CCDC7: variants seen among roughly 807,000 people sequenced by gnomAD.
CCDC7 encodes the protein coiled-coil domain containing 7, also known as coiled-coil domain-containing protein 7.
In CCDC7, 183 loss-of-function variants were observed where a neutral mutation model predicts 196.9. That is an observed-to-expected ratio of 0.93 (90% CI 0.82 to 1.05). CCDC7 has a LOEUF of 1.05. Ranked by LOEUF, CCDC7 falls within the 50% of genes least tolerant of loss-of-function variation. The probability of loss-of-function intolerance (pLI) is 0.00; values close to 1 mark genes in which losing one functional copy is unlikely to be tolerated. For missense variants in CCDC7, 1,540 were observed against 1,482.2 expected, an observed-to-expected ratio of 1.04 and a Z score of -0.64; for synonymous variants, 525 against 484.6, an observed-to-expected ratio of 1.08 and a Z score of -1.10.
chr10:32,525,057 G>A (rs1489959216), intron 11 of CCDC7, among the ~76,000 whole-genome samples: 1 of 150,962 alleles, frequency 6.6e-6, no homozygotes, highest in Non-Finnish European at 1.5e-5. Context: ...GCTTCATTGT[G>A]TGTTTTTTTT....
chr10:32,786,526 C>T lies in CCDC7; in HGVS notation c.3013+7442C>T, dbSNP rs550590329. Among the ~76,000 whole-genome samples, 29 of 152,254 alleles carry T rather than the reference C, an allele frequency of 1.9e-4. No individual in the cohort carries two copies. In the South Asian group the frequency reaches 5.8e-3, roughly 31 times the overall value. On this transcript the variant is annotated intron_variant, in intron 29 of 41. Coordinates refer to ENST00000639629, the Ensembl canonical transcript of CCDC7. ...CTGTGATCCTAGCACTTTGGGAGGC[C>T]AAGGCGGGTGGATCAATTGAGGCCA...
chr10:32,738,056 T>G (rs1228397536), intron 28 of CCDC7, among the ~76,000 whole-genome samples: 1 of 152,166 alleles, frequency 6.6e-6, no homozygotes, highest in Non-Finnish European at 1.5e-5. Flanking sequence ...ATCAACCGTA[T>G]TTGTAGCTAT....
At chr10:32,487,300 C>T (rs1477566595) in intron 8 of CCDC7, among the ~76,000 whole-genome samples, 2 of 152,172 alleles carry the variant, frequency 1.3e-5, no homozygotes, top group South Asian at 2.1e-4. Flanking sequence ...CTTGTGCATT[C>T]GTCATGTAGT....
chr10:32,570,464 CA>C (rs751197161), intron 15 of CCDC7, among the ~76,000 whole-genome samples: 71 of 152,170 alleles, frequency 4.7e-4, no homozygotes, highest in Non-Finnish European at 8.8e-4. Flanking sequence ...GACATATAGA[CA>C]CAAAATGTAT....
intron 9 of CCDC7, among the ~76,000 whole-genome samples, chr10:32,503,913 T>C (rs1446452891): frequency 2.7e-5 from 4 of 146,508 alleles, no homozygotes; most frequent in Non-Finnish European, 1.5e-5. Context: ...GAATGTAATT[T>C]GTTTGTGGTA....
intron 24 of CCDC7, among the ~76,000 whole-genome samples, chr10:32,701,345 C>T (rs953062070): frequency 6.6e-6 from 1 of 151,374 alleles, no homozygotes; most frequent in Non-Finnish European, 1.5e-5. Flanking sequence ...GTTGAACCAG[C>T]CTTGCATCCC....
intron 9 of CCDC7, chr10:32,511,264 G>GGGGC (rs2046117978): frequency 2.6e-5 from 14 of 543,954 alleles, no homozygotes; most frequent in Non-Finnish European, 3.8e-5. Context: ...TGGGGGGCGG[G>GGGGC]GGGGGCGGGG....
intron 9 of CCDC7, among the ~76,000 whole-genome samples, chr10:32,495,210 A>G (rs1444661878): frequency 6.6e-6 from 1 of 152,150 alleles, no homozygotes; most frequent in African/African-American, 2.4e-5. Flanking sequence ...GTCTATTCAT[A>G]TTCTTCACCC....
At chr10:32,882,053 A>G (rs2094810093), downstream of CCDC7, among the ~76,000 whole-genome samples, 1 of 152,188 alleles carries the variant, frequency 6.6e-6, no homozygotes, top group African/African-American at 2.4e-5. Context: ...CAAAGTCCAT[A>G]AGAGCCAGTC....
chr10:32,717,322 T>G (rs1397025294), intron 25 of CCDC7, among the ~76,000 whole-genome samples: 1 of 152,196 alleles, frequency 6.6e-6, no homozygotes, highest in Non-Finnish European at 1.5e-5. Context: ...AAGTGAATTC[T>G]TTGAAACCAA....
In CCDC7 at chr10:32,491,905, G is replaced by A. The variant is rs1379491680; in HGVS notation, c.797-17G>A. ...TATTTATAAAACCTTTAACATTTTT[G>A]ACTTTTTAAATAATAGAAACTGCTC... On this transcript the variant is annotated splice_polypyrimidine_tract_variant and intron_variant, in intron 8 of 41. Coordinates refer to ENST00000639629, the Ensembl canonical transcript of CCDC7. 4 of 1,535,480 alleles carry A rather than the reference G, an allele frequency of 2.6e-6. No individual in the cohort carries two copies. Among genetic ancestry groups the A allele is most frequent in the Non-Finnish European group, 3.5e-6 (4 of 1,149,056 alleles).
At chr10:32,566,559 T>C (rs1353396034) in intron 14 of CCDC7, among the ~76,000 whole-genome samples, 1 of 152,138 alleles carries the variant, frequency 6.6e-6, no homozygotes, top group Non-Finnish European at 1.5e-5. Context: ...TATGACATTA[T>C]TTAATGAAAA....
chr10:32,738,335 G>T (rs2085218447), intron 28 of CCDC7, among the ~76,000 whole-genome samples: 1 of 151,896 alleles, frequency 6.6e-6, no homozygotes. Flanking sequence ...CCTGCCTTTT[G>T]TCACTCATAA....
exon 35 of CCDC7, chr10:32,845,549 A>G: frequency 1.2e-6 from 2 of 1,609,582 alleles, no homozygotes; most frequent in South Asian, 1.1e-5. Context: ...ATAGAGACTG[A>G]TAAGAACTTC....
intron 20 of CCDC7, among the ~76,000 whole-genome samples, chr10:32,649,845 G>GCTTTTCAGC (rs1400294360): frequency 6.6e-6 from 1 of 152,168 alleles, no homozygotes; most frequent in Admixed American, 6.5e-5. Context: ...CTTGTAGTGA[G>GCTTTTCAGC]CTTTTCAGCT....
chr10:32,650,540 G>A (rs940030028), intron 20 of CCDC7, among the ~76,000 whole-genome samples: 2 of 152,182 alleles, frequency 1.3e-5, no homozygotes, highest in Non-Finnish European at 2.9e-5. Flanking sequence ...GGCTCCCTTA[G>A]GGAGAGGTCT....
At chr10:32,726,925 A>G (rs1022279624) in intron 26 of CCDC7, 93 bp downstream of exon 27, 242 of 787,818 alleles carry the variant, frequency 3.1e-4, no homozygotes, top group Non-Finnish European at 3.5e-5. Context: ...GTATTTTAGC[A>G]TGTATTTTAT....
At chr10:32,811,003 G>A (rs901096006) in intron 30 of CCDC7, among the ~76,000 whole-genome samples, 1 of 151,812 alleles carries the variant, frequency 6.6e-6, no homozygotes, top group Non-Finnish European at 1.5e-5. Context: ...AAACCTATGG[G>A]ATATAACAAA....
intron 24 of CCDC7, among the ~76,000 whole-genome samples, chr10:32,706,318 C>G (rs1302027187): frequency 2.0e-5 from 3 of 152,060 alleles, no homozygotes; most frequent in Non-Finnish European, 4.4e-5. Context: ...ACATTTAAAG[C>G]AGTATGTAGA....
Sources: allele counts gnomAD v4.1 joint callset (sites outside exome capture counted in the v4.1 genomes callset), GRCh38; gene constraint gnomAD v4.1.1; transcripts MANE v1.5; gene names NCBI Gene and HGNC (gene_info 2026-07-23, HGNC 2026-07-21).